VPS8: variants seen among roughly 807,000 people sequenced by gnomAD.
VPS8 encodes VPS8 subunit of CORVET complex, also known as vacuolar protein sorting-associated protein 8 homolog.
VPS8 carries 129 observed loss-of-function variants against 216.4 expected under a neutral mutation model. The observed-to-expected ratio is 0.60, with a 90% CI of 0.52 to 0.69. The LOEUF is 0.69. Among genes scored for constraint, VPS8 ranks in the 30% least tolerant of loss-of-function variants. The pLI is 0.00. For missense variants in VPS8, 1,531 were observed against 1,683.5 expected, an observed-to-expected ratio of 0.91 and a Z score of 1.59; for synonymous variants, 571 against 565.4, an observed-to-expected ratio of 1.01 and a Z score of -0.14.
intron 5 of VPS8, among the ~76,000 whole-genome samples, chr3:184,837,079 A>G (rs564662656): frequency 6.6e-6 from 1 of 152,306 alleles, no homozygotes; most frequent in East Asian, 1.9e-4. Flanking sequence ...CTCACCCCAA[A>G]CCTACAGAAT....
At chr3:184,918,052 G>T (rs930233551) in intron 28 of VPS8, among the ~76,000 whole-genome samples, 2 of 152,212 alleles carry the variant, frequency 1.3e-5, no homozygotes, top group African/African-American at 4.8e-5. Context: ...GAGGCAGGGA[G>T]ATCTGTTAGT....
chr3:184,936,990 G>A (rs1258583240), intron 35 of VPS8, among the ~76,000 whole-genome samples: 1 of 152,084 alleles, frequency 6.6e-6, no homozygotes, highest in African/African-American at 2.4e-5. Context: ...GCCTGCCTCG[G>A]CCTCCCAAGG....
intron 5 of VPS8, chr3:184,836,480 G>A: frequency 2.9e-6 from 1 of 350,416 alleles, no homozygotes; most frequent in Admixed American, 4.0e-5. Flanking sequence ...TTATTTAAAA[G>A]GAGTTCTCCT....
chr3:184,978,594 C>G (rs1749696992), intron 40 of VPS8, among the ~76,000 whole-genome samples: 1 of 151,978 alleles, frequency 6.6e-6, no homozygotes, highest in Non-Finnish European at 1.5e-5. Flanking sequence ...GAAACAGGGT[C>G]TCCCCAGGTT....
At chr3:185,003,612 T>C (rs1383721878) in intron 45 of VPS8, among the ~76,000 whole-genome samples, 89 of 152,090 alleles carry the variant, frequency 5.9e-4, no homozygotes, top group African/African-American at 2.0e-3. Context: ...CTTTCCCCCT[T>C]TTCTATTCCA....
At chr3:184,905,577 C>T (rs1735343735) in intron 25 of VPS8, among the ~76,000 whole-genome samples, 1 of 145,772 alleles carries the variant, frequency 6.9e-6, no homozygotes. Context: ...TTGCTTTCTT[C>T]AGTTCTTTGG....
intron 36 of VPS8, among the ~76,000 whole-genome samples, chr3:184,951,302 A>G (rs1674636091): frequency 6.6e-6 from 1 of 152,122 alleles, no homozygotes; most frequent in Non-Finnish European, 1.5e-5. Context: ...CCTAGGCAAC[A>G]TGGTGAGACC....
chr3:184,878,587 G>T (rs889289884), intron 21 of VPS8, among the ~76,000 whole-genome samples: 25 of 152,170 alleles, frequency 1.6e-4, no homozygotes, highest in African/African-American at 5.8e-4. Flanking sequence ...AACACAGAGC[G>T]AGGCAGTAGG....
chr3:184,849,007 C>T (rs1457515543), intron 8 of VPS8, 64 bp from the exon 9 acceptor site: 6 of 1,575,152 alleles, frequency 3.8e-6, no homozygotes, highest in African/African-American at 1.4e-5. Context: ...GAAAGCATGC[C>T]TGTACTCGAT....
chr3:184,854,432 T>C (rs1239775434), intron 13 of VPS8, among the ~76,000 whole-genome samples: 1 of 152,220 alleles, frequency 6.6e-6, no homozygotes, highest in Non-Finnish European at 1.5e-5. Flanking sequence ...ATAGACAGCA[T>C]ACAGTTGGCT....
chr3:185,026,108 A>G lies in VPS8; in HGVS notation c.4056+1719A>G, dbSNP rs539139529. 2.0e-5 allele frequency among the ~76,000 whole-genome samples: 3 copies of G among 152,290 alleles called. No homozygotes were observed. The East Asian group carries it at 5.8e-4, about 29-fold the overall frequency. ...CTTGTATAATATTGTTCATTCAGCA[A>G]GTATAGTCTGCCCTTCACATTTGTG... On this transcript the variant is annotated intron_variant, in intron 46 of 47. Transcript: ENST00000625842.
intron 36 of VPS8, among the ~76,000 whole-genome samples, chr3:184,949,930 C>A (rs1190620958): frequency 2.6e-5 from 4 of 151,870 alleles, no homozygotes; most frequent in Non-Finnish European, 5.9e-5. Context: ...TTAATTGAGA[C>A]AGAGTCTCTC....
rs139036806 is a variant in VPS8 at position 185,023,238 on chromosome 3, T to A, written c.4003-1098T>A. 5.3e-5 allele frequency among the ~76,000 whole-genome samples: 8 copies of A among 151,032 alleles called. No individual in the cohort carries two copies. The East Asian group carries it at 1.5e-3, about 29-fold the overall frequency. ...ACTATAAAATAGATATACTTTTTTTTATCTGACTTCTTTCACTCAGCATAG... is the reference window on the plus strand; with the variant it reads ...ACTATAAAATAGATATACTTTTTTTAATCTGACTTCTTTCACTCAGCATAG... On this transcript the variant is annotated intron_variant, in intron 45 of 47. Coordinates refer to ENST00000625842, the MANE Select transcript of VPS8 (RefSeq NM_001009921.3).
intron 14 of VPS8, among the ~76,000 whole-genome samples, chr3:184,857,313 C>T (rs1440143975): frequency 2.0e-5 from 3 of 152,200 alleles, no homozygotes; most frequent in Non-Finnish European, 4.4e-5. Flanking sequence ...TAGAACATCC[C>T]CAATACAACA....
At chr3:184,957,885 G>A (rs4425235) in intron 37 of VPS8, among the ~76,000 whole-genome samples, 100,668 of 152,026 alleles carry the variant, frequency 0.66, 33,827 homozygotes, top group Middle Eastern at 0.78. Context: ...AAGATAGTCA[G>A]CTGTGTTCCC....
intron 24 of VPS8, 66 bp downstream of exon 24, chr3:184,898,720 A>G: frequency 8.2e-7 from 1 of 1,213,390 alleles, no homozygotes. Flanking sequence ...CCTATTCTCC[A>G]TTTGCTTTTA....
At chr3:184,925,795 A>G (rs140066735) in intron 30 of VPS8, among the ~76,000 whole-genome samples, 4,135 of 138,952 alleles carry the variant, frequency 0.03, 234 homozygotes, top group African/African-American at 0.11. Context: ...TTTTTTTGAG[A>G]CAGAGTCTGG....
intron 21 of VPS8, among the ~76,000 whole-genome samples, chr3:184,881,630 G>T (rs1011487119): frequency 6.6e-6 from 1 of 151,882 alleles, no homozygotes; most frequent in Non-Finnish European, 1.5e-5. Flanking sequence ...CAATTTCTTT[G>T]ACTCTCCATA....
intron 4 of VPS8, among the ~76,000 whole-genome samples, chr3:184,834,187 A>C (rs1029664981): frequency 6.6e-6 from 1 of 152,192 alleles, no homozygotes; most frequent in African/African-American, 2.4e-5. Flanking sequence ...TGCAGGCCGG[A>C]GGAGTGCTCT....
Sources: gnomAD v4.1 joint callset for allele counts (sites outside exome capture counted in the v4.1 genomes callset) on GRCh38, gnomAD v4.1.1 for gene constraint, MANE v1.5 for transcripts, NCBI Gene and HGNC (gene_info 2026-07-23, HGNC 2026-07-21) for gene names.